MCC: variants seen among roughly 807,000 people sequenced by gnomAD.
MCC encodes colorectal mutant cancer protein.
In MCC, 90 loss-of-function variants were observed where a neutral mutation model predicts 116.2. The observed-to-expected ratio is 0.77, with a 90% CI of 0.65 to 0.92. The LOEUF (loss-of-function observed/expected upper bound fraction) is 0.92. Among genes scored for constraint, MCC ranks in the 40% least tolerant of loss-of-function variants. The probability of loss-of-function intolerance (pLI) is 0.00; values close to 1 mark genes in which losing one functional copy is unlikely to be tolerated. For missense variants in MCC, 1,516 were observed against 1,312.2 expected, an observed-to-expected ratio of 1.16 and a Z score of -2.40; for synonymous variants, 578 against 510.5, an observed-to-expected ratio of 1.13 and a Z score of -1.78.
At chr5:113,166,722 AC>A (rs67067426) in intron 3 of MCC, among the ~76,000 whole-genome samples, 15,893 of 125,872 alleles carry the variant, frequency 0.13, 1,206 homozygotes, top group African/African-American at 0.2. Flanking sequence ...AAAAAAAAAA[AC>A]AACCAAAAAA....
rs116660085 is a variant in MCC, at chr5:113,153,842, C to T, written c.628-2420G>A. Among the ~76,000 whole-genome samples the T allele has an allele frequency of 6.0e-3, 921 of 152,250 alleles. 13 individuals are homozygous for T. The highest frequency in any genetic ancestry group is 0.021 in the African/African-American group (873 of 41,532). On this transcript the variant is annotated intron_variant, in intron 3 of 18. Transcript: ENST00000408903. ...AAAAGAACTTTGGTACTGATGTCCC[C>T]GACTCCATAACTGCAGGTTAGGATC...
rs550503876 is a variant in MCC at position 113,433,952 on chromosome 5, G to T, written c.171-48740C>A. The T allele has an allele frequency of 7.4e-6, 12 of 1,613,878 alleles. No homozygotes were observed. The African/African-American group carries it at 8.0e-5, about 11-fold the overall frequency. ...CAGAGCCAGGTTCGGGGGTCCACAA[G>T]GGTTCAGTTCCCCGGGAACTCTCCC... is the stretch of plus-strand genomic sequence containing the variant. On this transcript the variant is annotated intron_variant, in intron 1 of 18. Transcript: ENST00000408903.
chr5:113,352,791 T>C (rs1768309643), intron 2 of MCC, among the ~76,000 whole-genome samples: 1 of 152,202 alleles, frequency 6.6e-6, no homozygotes, highest in African/African-American at 2.4e-5. Context: ...TGTGTTAACA[T>C]GAATGTTCTT....
intron 3 of MCC, among the ~76,000 whole-genome samples, chr5:113,187,887 C>T (rs1352557488): frequency 6.6e-6 from 1 of 152,088 alleles, no homozygotes; most frequent in African/African-American, 2.4e-5. Context: ...ACCCACGTTA[C>T]AAACAAGGTC....
intron 3 of MCC, among the ~76,000 whole-genome samples, chr5:113,304,378 T>A (rs534846546): frequency 4.6e-5 from 7 of 152,236 alleles, no homozygotes; most frequent in Non-Finnish European, 8.8e-5. Context: ...CTTCTCCAAC[T>A]GCAAATATAA....
intron 17 of MCC, among the ~76,000 whole-genome samples, chr5:113,030,916 TTACAATTTTG>T (rs1303282202): frequency 2.6e-5 from 4 of 152,212 alleles, no homozygotes; most frequent in African/African-American, 7.2e-5. Flanking sequence ...CCAGATATTT[TTACAATTTTG>T]TATATTTTCT....
chr5:113,108,387 G>T (rs1276861649), intron 6 of MCC, among the ~76,000 whole-genome samples: 1 of 147,012 alleles, frequency 6.8e-6, no homozygotes, highest in Non-Finnish European at 1.5e-5. Context: ...AGGTGTGGTG[G>T]CTCATGCCTA....
At chr5:113,228,630 TTAAGAGGCTTTTA>T (rs1468866050) in intron 3 of MCC, among the ~76,000 whole-genome samples, 1 of 152,166 alleles carries the variant, frequency 6.6e-6, no homozygotes, top group Non-Finnish European at 1.5e-5. Context: ...CTTTCAGGAC[TTAAGAGGCTTTTA>T]TACTGAGTGC....
chr5:113,457,531 C>T (rs535132425), intron 1 of MCC, among the ~76,000 whole-genome samples: 117 of 152,328 alleles, frequency 7.7e-4, no homozygotes, highest in African/African-American at 2.7e-3. Flanking sequence ...GGAGTGCGAG[C>T]GCATGGCGTG....
At chr5:113,083,368 T>C (rs1754994760) in intron 10 of MCC, among the ~76,000 whole-genome samples, 1 of 152,202 alleles carries the variant, frequency 6.6e-6, no homozygotes. Flanking sequence ...CCACTGTTTT[T>C]GGTTTCTGTA....
intron 1 of MCC, among the ~76,000 whole-genome samples, chr5:113,408,035 A>T (rs1386301345): frequency 6.7e-6 from 1 of 150,184 alleles, no homozygotes; most frequent in Non-Finnish European, 1.5e-5. Flanking sequence ...AAGGGAACAG[A>T]GGAAAAGCAA....
intron 3 of MCC, among the ~76,000 whole-genome samples, chr5:113,264,944 C>T (rs1167291769): frequency 6.6e-6 from 1 of 151,854 alleles, no homozygotes; most frequent in Non-Finnish European, 1.5e-5. Context: ...TGGGAGGCTG[C>T]GGCAGGAGAA....
At chr5:113,153,317 G>C (rs1759989816) in intron 3 of MCC, among the ~76,000 whole-genome samples, 1 of 152,158 alleles carries the variant, frequency 6.6e-6, no homozygotes, top group Admixed American at 6.5e-5. Flanking sequence ...AAGGGGTTGG[G>C]GGAGGCCTGG....
intron 3 of MCC, among the ~76,000 whole-genome samples, chr5:113,162,984 T>C (rs1373698763): frequency 2.0e-5 from 3 of 152,200 alleles, no homozygotes; most frequent in Non-Finnish European, 4.4e-5. Context: ...CAGAGTAATC[T>C]AGAGTCTGCC....
intron 3 of MCC, among the ~76,000 whole-genome samples, chr5:113,305,211 G>A (rs11954798): frequency 6.6e-6 from 1 of 152,108 alleles, no homozygotes; most frequent in Non-Finnish European, 1.5e-5. Context: ...GCTGAGGCAT[G>A]AAGAATGGGC....
intron 8 of MCC, among the ~76,000 whole-genome samples, chr5:113,089,853 G>C (rs912033547): frequency 6.6e-6 from 1 of 152,176 alleles, no homozygotes; most frequent in Non-Finnish European, 1.5e-5. Context: ...GTGGATCATG[G>C]AGTTACTTAG....
chr5:113,467,295 TTC>T (rs1771937973), intron 1 of MCC, among the ~76,000 whole-genome samples: 1 of 149,478 alleles, frequency 6.7e-6, no homozygotes. Context: ...CTAGGTTTTC[TTC>T]TAGGGTTTTT....
chr5:113,195,067 T>C (rs1762330510), intron 3 of MCC, among the ~76,000 whole-genome samples: 1 of 152,196 alleles, frequency 6.6e-6, no homozygotes, highest in Non-Finnish European at 1.5e-5. Context: ...GCCCTAGGCT[T>C]TCCCAGTGCA....
intron 14 of MCC, among the ~76,000 whole-genome samples, chr5:113,059,838 C>T (rs947735651): frequency 1.3e-5 from 2 of 152,128 alleles, no homozygotes; most frequent in African/African-American, 2.4e-5. Flanking sequence ...CGGGACGGTT[C>T]GGGCCGACCC....
Sources: gnomAD v4.1 joint callset for allele counts (sites outside exome capture counted in the v4.1 genomes callset) on GRCh38, gnomAD v4.1.1 for gene constraint, MANE v1.5 for transcripts, NCBI Gene and HGNC (gene_info 2026-07-23, HGNC 2026-07-21) for gene names.